Variants in PALM2AKAP2 observed in about 807,000 individuals in gnomAD.
PALM2AKAP2 encodes the protein PALM2-AKAP2 fusion protein.
A neutral mutation model predicts 71.5 loss-of-function variants in PALM2AKAP2; 37 were observed. That is an observed-to-expected ratio of 0.52 (90% CI 0.40 to 0.68). PALM2AKAP2 has a LOEUF of 0.68. Ranked by LOEUF, PALM2AKAP2 falls within the 30% of genes least tolerant of loss-of-function variation. PALM2AKAP2 has a pLI of 0.00. For synonymous variants in PALM2AKAP2, 468 were observed against 478.8 expected (o/e 0.98, Z 0.29); for missense variants, 1,224 against 1,191.8 (o/e 1.03, Z -0.40).
intron 6 of PALM2AKAP2, among the ~76,000 whole-genome samples, chr9:109,972,384 C>A (rs1405456173): frequency 1.3e-5 from 2 of 152,226 alleles, no homozygotes; most frequent in Non-Finnish European, 2.9e-5. Context: ...TGGCTTCAAT[C>A]TGAAGGACTG....
chr9:110,138,466 G>C (rs1423443101), exon 2 of PALM2AKAP2: 1 of 1,614,236 alleles, frequency 6.2e-7, no homozygotes, highest in Non-Finnish European at 8.5e-7. Context: ...GACAAGTCTT[G>C]CAGAGTACGC....
exon 2 of PALM2AKAP2, chr9:110,136,876 G>A (rs1484371394): frequency 3.1e-6 from 5 of 1,614,208 alleles, no homozygotes; most frequent in Admixed American, 1.7e-5. Flanking sequence ...GGCCTTCAGA[G>A]GAGATGCTGG....
At chr9:109,960,107 G>A (rs561257738) in intron 6 of PALM2AKAP2, among the ~76,000 whole-genome samples, 10 of 152,146 alleles carry the variant, frequency 6.6e-5, no homozygotes, top group South Asian at 2.1e-4. Context: ...TTTTAATTAA[G>A]GATCCCACCC....
chr9:109,851,180 AACAAC>A lies in PALM2AKAP2; in HGVS notation c.46-16309_46-16305del, dbSNP rs1829002189. On this transcript the variant is annotated intron_variant, in intron 1 of 9. Coordinates refer to the PALM2AKAP2 transcript ENST00000302798. ...CAACAGAGGGAGACTCCGTCTCAAC[AACAAC>A]AACAACAACAACAACAACAACAACA... Among the ~76,000 whole-genome samples, 2 of 51,430 alleles carry A rather than the reference AACAAC, an allele frequency of 3.9e-5. 1 individual carries two copies. The highest frequency in any genetic ancestry group is 1.2e-4 in the African/African-American group (2 of 17,268). 33.7% of individuals were successfully genotyped at this position (51,430 alleles called of 152,430 possible). A position where few individuals can be genotyped will look rare whatever the true frequency, so the allele number is the denominator to read the frequency against.
chr9:109,943,176 G>T lies in PALM2AKAP2; in HGVS notation c.496+11148G>T. 3 of 1,614,244 alleles carry T rather than the reference G, an allele frequency of 1.9e-6. No individual in the cohort carries two copies. The African/African-American group carries it at 4.0e-5, about 22-fold the overall frequency. The stretch of plus-strand genomic sequence containing the variant: ...AGGATGAAGAGGAGACGAAAAAGGT[G>T]CTAGGCTATGATGAAACCATCAAGG... On this transcript the variant is annotated intron_variant, in intron 6 of 9. Coordinates refer to the PALM2AKAP2 transcript ENST00000302798.
intron 6 of PALM2AKAP2, among the ~76,000 whole-genome samples, chr9:109,985,489 G>A (rs1047704092): frequency 6.6e-5 from 10 of 151,398 alleles, no homozygotes; most frequent in South Asian, 2.1e-4. Context: ...GCGTGGTGGC[G>A]GGCACCTGTA....
At chr9:109,738,824 T>A (rs1277018246) in intron 1 of PALM2AKAP2, among the ~76,000 whole-genome samples, 1 of 152,188 alleles carries the variant, frequency 6.6e-6, no homozygotes, top group Non-Finnish European at 1.5e-5. Context: ...ATTAAAAAAA[T>A]GTCTAGTTTT....
At chr9:109,780,220 G>T (rs1192528984), upstream of PALM2AKAP2, 15 of 1,004,300 alleles carry the variant, frequency 1.5e-5, no homozygotes, top group Admixed American at 5.5e-5. Context: ...CGGCTGGCGC[G>T]GCCGGCGGCG....
chr9:109,800,515 G>A (rs2131396421), intron 1 of PALM2AKAP2, among the ~76,000 whole-genome samples: 1 of 152,254 alleles, frequency 6.6e-6, no homozygotes. Flanking sequence ...GCAATTAAAC[G>A]ACTCACATGT....
chr9:110,143,080 TA>T (rs202119240), intron 2 of PALM2AKAP2, among the ~76,000 whole-genome samples: 20,355 of 152,054 alleles, frequency 0.13, 1,373 homozygotes, highest in East Asian at 0.19. Flanking sequence ...ATGCTCCCAA[TA>T]GTGTGTGCAT....
intron 2 of PALM2AKAP2, among the ~76,000 whole-genome samples, chr9:110,155,871 G>C (rs1836442034): frequency 6.6e-6 from 1 of 152,190 alleles, no homozygotes; most frequent in Admixed American, 6.5e-5. Flanking sequence ...CAGGAGGCCT[G>C]GGTACCATCA....
chr9:109,806,348 A>G (rs1462238642), intron 1 of PALM2AKAP2, among the ~76,000 whole-genome samples: 4 of 152,240 alleles, frequency 2.6e-5, no homozygotes, highest in Non-Finnish European at 5.9e-5. Flanking sequence ...GAGTTTATGT[A>G]ATTCAGCCAA....
chr9:110,164,158 G>A (rs1466924131), intron 3 of PALM2AKAP2, among the ~76,000 whole-genome samples: 1 of 152,144 alleles, frequency 6.6e-6, no homozygotes, highest in Non-Finnish European at 1.5e-5. Flanking sequence ...ATGGCAGTTT[G>A]AGAATTAGGA....
At chr9:110,000,314 C>T (rs1377040223) in intron 6 of PALM2AKAP2, among the ~76,000 whole-genome samples, 1 of 152,110 alleles carries the variant, frequency 6.6e-6, no homozygotes, top group Non-Finnish European at 1.5e-5. Context: ...TTTCCAGCTT[C>T]ATCCATGTCC....
At chr9:109,875,412 C>T (rs921912527) in intron 2 of PALM2AKAP2, among the ~76,000 whole-genome samples, 8 of 152,204 alleles carry the variant, frequency 5.3e-5, no homozygotes, top group Non-Finnish European at 1.0e-4. Context: ...AGAGTAGGGA[C>T]TTGCCTGTCT....
rs1828308620 is a variant in PALM2AKAP2, at chr9:109,715,716, A to G, written c.6-64772A>G. Among the ~76,000 whole-genome samples the G allele has an allele frequency of 1.3e-5, 2 of 152,234 alleles. 1 individual carries two copies. Among genetic ancestry groups the G allele is most frequent in the Non-Finnish European group, 2.9e-5 (2 of 68,046 alleles). ...AAGGACTTTCTGGTGCTATTTCCAG[A>G]GAGACAATTCACCTCCCCAAGTACT... is the stretch of plus-strand genomic sequence containing the variant. On this transcript the variant is annotated intron_variant, in intron 1 of 6. Coordinates refer to the PALM2AKAP2 transcript ENST00000374531.
chr9:109,747,617 A>G (rs1219662501), intron 1 of PALM2AKAP2, among the ~76,000 whole-genome samples: 1 of 152,190 alleles, frequency 6.6e-6, no homozygotes, highest in Admixed American at 6.5e-5. Flanking sequence ...GCCAAGAAAT[A>G]TTGAATCATG....
At chr9:109,653,314 G>A (rs894256316) in intron 1 of PALM2AKAP2, among the ~76,000 whole-genome samples, 2 of 152,166 alleles carry the variant, frequency 1.3e-5, no homozygotes, top group African/African-American at 2.4e-5. Flanking sequence ...AAGATTTGGT[G>A]GGCACTGCTA....
At chr9:109,744,488 C>T (rs1828769627) in intron 1 of PALM2AKAP2, among the ~76,000 whole-genome samples, 1 of 152,088 alleles carries the variant, frequency 6.6e-6, no homozygotes, top group Admixed American at 6.6e-5. Flanking sequence ...TTTTCTTCAT[C>T]TTTAAATGGG....
Sources: allele counts gnomAD v4.1 joint callset (sites outside exome capture counted in the v4.1 genomes callset), GRCh38; gene constraint gnomAD v4.1.1; transcripts MANE v1.5; gene names NCBI Gene and HGNC (gene_info 2026-07-23, HGNC 2026-07-21).